Variants in CNTN5 observed in about 807,000 individuals in gnomAD.
CNTN5 encodes contactin-5.
CNTN5 carries 77 observed loss-of-function variants against 129.1 expected under a neutral mutation model. The ratio of observed to expected loss-of-function variants is 0.60; its 90% CI spans 0.50 to 0.72. The LOEUF is 0.72. Ranked by LOEUF, CNTN5 falls within the 30% of genes least tolerant of loss-of-function variation. The pLI, the probability that CNTN5 is intolerant of heterozygous loss-of-function variation, is 0.00. For missense variants in CNTN5, 1,478 were observed against 1,328.8 expected, an observed-to-expected ratio of 1.11 and a Z score of -1.75; for synonymous variants, 509 against 465.6, an observed-to-expected ratio of 1.09 and a Z score of -1.20.
At chr11:100,340,404 C>T (rs1474254933) in intron 21 of CNTN5, 59 bp from the exon 22 acceptor site, 5 of 1,284,370 alleles carry the variant, frequency 3.9e-6, no homozygotes, top group Non-Finnish European at 5.4e-6. Flanking sequence ...AAAGTTCAAG[C>T]AGCCACAAGC....
intron 8 of CNTN5, among the ~76,000 whole-genome samples, chr11:99,966,702 A>G (rs1186762486): frequency 1.5e-4 from 23 of 152,222 alleles, no homozygotes; most frequent in Admixed American, 1.4e-3. Flanking sequence ...TATCTGAAAC[A>G]TAGATGGTAG....
chr11:100,231,628 T>C (rs770672221), intron 16 of CNTN5, among the ~76,000 whole-genome samples: 2 of 152,106 alleles, frequency 1.3e-5, no homozygotes, highest in Non-Finnish European at 2.9e-5. Flanking sequence ...AATTTTGTGG[T>C]CCCCTAATAG....
intron 3 of CNTN5, among the ~76,000 whole-genome samples, chr11:99,685,558 T>G (rs1953754221): frequency 6.6e-6 from 1 of 151,908 alleles, no homozygotes; most frequent in Admixed American, 6.6e-5. Flanking sequence ...AATTTAAAAT[T>G]ATTTTATCTT....
intron 6 of CNTN5, among the ~76,000 whole-genome samples, chr11:99,902,818 G>A (rs1343587299): frequency 2.0e-5 from 3 of 152,048 alleles, no homozygotes; most frequent in Non-Finnish European, 4.4e-5. Context: ...CCTAAATGAA[G>A]ATCACAAATT....
chr11:100,014,386 C>T (rs1232594508), intron 9 of CNTN5, among the ~76,000 whole-genome samples: 1 of 151,982 alleles, frequency 6.6e-6, no homozygotes, highest in Non-Finnish European at 1.5e-5. Context: ...TTTTCACAAA[C>T]ATAGTTCAAA....
At chr11:99,877,891 T>A (rs2135842534) in intron 6 of CNTN5, among the ~76,000 whole-genome samples, 1 of 152,318 alleles carries the variant, frequency 6.6e-6, no homozygotes, top group Admixed American at 6.5e-5. Flanking sequence ...CAAAAGTTTT[T>A]AAAATATTCA....
chr11:100,146,840 C>G (rs1946866347), intron 13 of CNTN5, among the ~76,000 whole-genome samples: 1 of 152,072 alleles, frequency 6.6e-6, no homozygotes, highest in Admixed American at 6.6e-5. Flanking sequence ...TTTAAGTATA[C>G]ATATTAGTAG....
chr11:99,305,920 G>A (rs541795628), intron 1 of CNTN5, among the ~76,000 whole-genome samples: 1 of 152,108 alleles, frequency 6.6e-6, no homozygotes, highest in South Asian at 2.1e-4. Context: ...GGTGGAGGTT[G>A]CAGGGAGCCG....
chr11:100,056,126 T>G (rs1278153807), intron 9 of CNTN5, among the ~76,000 whole-genome samples: 1 of 151,714 alleles, frequency 6.6e-6, no homozygotes, highest in African/African-American at 2.4e-5. Context: ...AATGTCTATT[T>G]TATTTTTAAT....
intron 13 of CNTN5, among the ~76,000 whole-genome samples, chr11:100,163,084 G>A (rs1257440189): frequency 6.6e-6 from 1 of 151,572 alleles, no homozygotes; most frequent in African/African-American, 2.4e-5. Context: ...AGAGTACTTG[G>A]CAAAAATTAT....
chr11:99,808,854 C>T (rs1946348635), intron 3 of CNTN5, among the ~76,000 whole-genome samples: 1 of 152,086 alleles, frequency 6.6e-6, no homozygotes, highest in Non-Finnish European at 1.5e-5. Context: ...ATTCCTCTCT[C>T]CCTTTTAAGA....
intron 17 of CNTN5, among the ~76,000 whole-genome samples, chr11:100,267,304 G>A (rs533950875): frequency 2.0e-5 from 3 of 151,322 alleles, no homozygotes; most frequent in Non-Finnish European, 4.4e-5. Context: ...AAGAGAGAGT[G>A]AGCAAGCTCA....
intron 2 of CNTN5, among the ~76,000 whole-genome samples, chr11:99,335,708 C>G (rs191846474): frequency 7.9e-4 from 120 of 152,098 alleles, no homozygotes; most frequent in African/African-American, 2.8e-3. Flanking sequence ...AAATATGTCC[C>G]TAATTAGGCT....
intron 3 of CNTN5, among the ~76,000 whole-genome samples, chr11:99,779,302 G>A (rs1042081455): frequency 2.0e-5 from 3 of 151,890 alleles, no homozygotes; most frequent in African/African-American, 7.2e-5. Context: ...TTCATTTTCT[G>A]TAATCAGGCT....
intron 6 of CNTN5, among the ~76,000 whole-genome samples, chr11:99,857,409 A>T (rs1948074755): frequency 6.6e-6 from 1 of 152,176 alleles, no homozygotes; most frequent in Non-Finnish European, 1.5e-5. Context: ...CACCTATGAG[A>T]AGAATGATTT....
intron 3 of CNTN5, among the ~76,000 whole-genome samples, chr11:99,795,764 C>T (rs753926670): frequency 2.0e-5 from 3 of 152,048 alleles, no homozygotes; most frequent in East Asian, 1.9e-4. Context: ...GTCTCAGACT[C>T]GGCTCAGGAC....
chr11:100,035,015 C>G (rs918487385), intron 9 of CNTN5, among the ~76,000 whole-genome samples: 3 of 151,956 alleles, frequency 2.0e-5, no homozygotes, highest in Non-Finnish European at 4.4e-5. Context: ...TACATGTGCG[C>G]AACGTGCAGG....
chr11:99,623,436 A>G (rs1332619824), intron 3 of CNTN5, among the ~76,000 whole-genome samples: 1 of 152,142 alleles, frequency 6.6e-6, no homozygotes, highest in Non-Finnish European at 1.5e-5. Flanking sequence ...CTGATAGTCA[A>G]CAGTCTTGCC....
chr11:99,691,936 G>A (rs956077791), intron 3 of CNTN5, among the ~76,000 whole-genome samples: 3 of 151,980 alleles, frequency 2.0e-5, no homozygotes, highest in African/African-American at 7.2e-5. Context: ...TCCTGTATTG[G>A]GTGCATATAT....
Sources: gnomAD v4.1 joint callset for allele counts (sites outside exome capture counted in the v4.1 genomes callset) on GRCh38, gnomAD v4.1.1 for gene constraint, MANE v1.5 for transcripts, NCBI Gene and HGNC (gene_info 2026-07-23, HGNC 2026-07-21) for gene names.